SHMT2: variants seen among roughly 807,000 people sequenced by gnomAD.
SHMT2 encodes serine hydroxymethyltransferase 2.
A neutral mutation model predicts 59.6 loss-of-function variants in SHMT2; 38 were observed. That is an observed-to-expected ratio of 0.64 (90% CI 0.49 to 0.84). The LOEUF is 0.84. Among genes scored for constraint, SHMT2 ranks in the 40% least tolerant of loss-of-function variants. The pLI is 0.00. For missense variants in SHMT2, 533 were observed against 659.5 expected (o/e 0.81, Z 2.10); for synonymous variants, 254 against 258.1 (o/e 0.98, Z 0.15).
chr12:57,232,582 G>A lies in SHMT2; in HGVS notation c.717+7G>A, dbSNP rs762366335. ...CTACGCCCGCATGAGAGAGGTTGGT[G>A]GGGGGGGCTGGAGACTGGGCACCTC... On this transcript the variant is annotated splice_region_variant and intron_variant, in intron 6 of 11. Transcript: ENST00000328923. 1.9e-6 allele frequency: 3 copies of A among 1,612,274 alleles called. No homozygotes were observed. The highest frequency in any genetic ancestry group is 1.1e-5 in the South Asian group (1 of 91,028).
intron 1 of SHMT2, chr12:57,230,188 C>G: frequency 7.8e-7 from 1 of 1,289,930 alleles, no homozygotes; most frequent in Non-Finnish European, 1.0e-6. Flanking sequence ...CCGAGCTTCA[C>G]TGCTTGCATC....
chr12:57,230,108 A>G (rs2037249600), intron 1 of SHMT2: 1 of 1,347,572 alleles, frequency 7.4e-7, no homozygotes, highest in Non-Finnish European at 9.6e-7. Context: ...CTGGCAAATG[A>G]GCGGAGTTTT....
At position 57,233,852 on chromosome 12, in the gene SHMT2, G is replaced by A; in HGVS notation, c.1227G>A (p.Lys409=). The change falls in exon 10 of 12, where the codon AAG becomes AAA. Residue 409 remains lysine, a synonymous_variant. Coordinates refer to ENST00000328923, the MANE Select transcript of SHMT2 (RefSeq NM_005412.6). ...AGCTTGTATCCATCACTGCCAACAA[G>A]AACACCTGTCCTGGAGACCGAAGTG... ...VLELVSITAN[K]NTCPGDRSAI... 1 of 1,614,198 alleles carries A rather than the reference G, an allele frequency of 6.2e-7. No individual in the cohort carries two copies. The highest frequency in any genetic ancestry group is 8.5e-7 in the Non-Finnish European group (1 of 1,180,044).
In SHMT2 at chr12:57,234,804, G is replaced by GCTCCCACCAC; in HGVS notation, c.*445_*454dup. 6.4e-6 allele frequency: 1 copy of GCTCCCACCAC among 155,880 alleles called. No individual in the cohort carries two copies. Among genetic ancestry groups the GCTCCCACCAC allele is most frequent in the Admixed American group, 6.4e-5 (1 of 15,708 alleles). The allele number at this position is 155,880 out of a possible 1,614,324, so 9.7% of individuals were successfully genotyped here. A position where few individuals can be genotyped will look rare whatever the true frequency, so the allele number is the denominator to read the frequency against. The stretch of plus-strand genomic sequence containing the variant: ...TCTCCCTCAATGTGTACACCGCTCC[G>GCTCCCACCAC]CTCCCACCACCGCTACCACAAGGAC... On this transcript the variant is annotated 3_prime_UTR_variant, in exon 12 of 12. Coordinates refer to ENST00000328923, the MANE Select transcript of SHMT2 (RefSeq NM_005412.6).
intron 1 of SHMT2, chr12:57,230,278 T>C (rs2037259196): frequency 5.9e-6 from 7 of 1,177,474 alleles, no homozygotes; most frequent in Non-Finnish European, 7.5e-6. Flanking sequence ...GGGTATTGGC[T>C]TACTCTCGGG....
intron 1 of SHMT2, chr12:57,230,337 T>G (rs1189482134): frequency 7.0e-6 from 8 of 1,141,058 alleles, no homozygotes; most frequent in Non-Finnish European, 8.7e-6. Context: ...CACGGACTGC[T>G]AAAGGTCTCC....
rs2037237004 is a variant in SHMT2, at chr12:57,229,758, TC to T, written c.-19del. The T allele has an allele frequency of 4.3e-6, 7 of 1,614,024 alleles. No homozygotes were observed. The highest frequency in any genetic ancestry group is 1.7e-5 in the Admixed American group (1 of 60,006). On this transcript the variant is annotated 5_prime_UTR_variant, in exon 1 of 12. Transcript: ENST00000328923. ...CTAGACCAGAGTTGGTGGCTGGACC[TC>T]CTGCGACTTCCGAGTTGCGATGCTG...
In SHMT2 at chr12:57,229,730, G is replaced by A. The variant is rs200522807; in HGVS notation, c.-49G>A. On this transcript the variant is annotated 5_prime_UTR_variant, in exon 1 of 12. Transcript: ENST00000328923. ...AACGGTCTTCTTCCGACAGCTTGCTGCCCTAGACCAGAGTTGGTGGCTGGA... is the reference window on the plus strand; with the variant it reads ...AACGGTCTTCTTCCGACAGCTTGCTACCCTAGACCAGAGTTGGTGGCTGGA... The A allele has an allele frequency of 7.5e-4, 1,204 of 1,612,806 alleles. 1 individual carries two copies. Among genetic ancestry groups the A allele is most frequent in the Non-Finnish European group, 6.8e-4 (805 of 1,178,892 alleles).
At chr12:57,231,164 GT>G in intron 2 of SHMT2, 164 bp downstream of exon 2, 1 of 724,258 alleles carries the variant, frequency 1.4e-6, no homozygotes, top group African/African-American at 1.8e-5. Context: ...TGCAAGTCCA[GT>G]TTATGGGGTT....
At chr12:57,229,896 T>C in intron 1 of SHMT2, 85 bp downstream of exon 1, 1 of 1,574,916 alleles carries the variant, frequency 6.3e-7, no homozygotes, top group Non-Finnish European at 8.7e-7. Flanking sequence ...ACTCTGGGGT[T>C]CTCTTGGCTT....
chr12:57,231,860 C>A lies in SHMT2; in HGVS notation c.459C>A (p.Ala153=). ...CAGCCAACCTGGCCGTCTACACAGC[C>A]CTTCTGCAACCTCACGACCGGATCA... is the stretch of plus-strand genomic sequence containing the variant. ...GSPANLAVYT[A]LLQPHDRIMG... is the part of the protein sequence containing the mutation. The change falls in exon 4 of 12, where the codon GCC becomes GCA. Residue 153 remains alanine (A), a synonymous_variant. Coordinates refer to ENST00000328923, the MANE Select transcript of SHMT2 (RefSeq NM_005412.6). The A allele has an allele frequency of 6.2e-7, 1 of 1,613,976 alleles. No individual in the cohort carries two copies. The highest frequency in any genetic ancestry group is 1.6e-4 in the Middle Eastern group (1 of 6,062).
At position 57,230,920 on chromosome 12, in the gene SHMT2, G is replaced by C. The variant is rs755645926; in HGVS notation, c.151G>C (p.Asp51His). The C allele has an allele frequency of 1.2e-5, 19 of 1,613,976 alleles. No homozygotes were observed. Among genetic ancestry groups the C allele is most frequent in the Non-Finnish European group, 1.5e-5 (18 of 1,180,036 alleles). ...CTGGACAGGCCAGGAGAGCCTGTCG[G>C]ACAGTGATCCTGAGATGTGGGAGTT... ...RGWTGQESLS[D>H]SDPEMWELLQ... The change falls in exon 2 of 12, where the codon GAC (aspartate) becomes CAC (histidine). Residue 51 changes from aspartate (D) to histidine (H), a missense_variant. Asp to His is a moderately conservative substitution (Grantham distance 81). Coordinates refer to ENST00000328923, the MANE Select transcript of SHMT2 (RefSeq NM_005412.6).
At chr12:57,233,498 G>A in intron 8 of SHMT2, 65 bp from the exon 9 acceptor site, 1 of 1,544,928 alleles carries the variant, frequency 6.5e-7, no homozygotes, top group Non-Finnish European at 8.8e-7. Flanking sequence ...AGGGTGCAGG[G>A]CCAGAGGGTA....
At position 57,233,422 on chromosome 12, in the gene SHMT2, C is replaced by A. The variant is rs997158940; in HGVS notation, c.1023+77C>A. On this transcript the variant is annotated intron_variant, in intron 8 of 11. Transcript: ENST00000328923. ...AGACCCTGCACCTTGCTAACTGATG[C>A]TGGGGCTGATGGAAGGGAAATGCCA... 13 of 1,517,374 alleles carry A rather than the reference C, an allele frequency of 8.6e-6. No individual in the cohort carries two copies. In the African/African-American group the frequency reaches 1.5e-4, roughly 18 times the overall value. The allele number at this position is 1,517,374 out of a possible 1,614,324, so 94.0% of individuals were successfully genotyped here.
At position 57,234,215 on chromosome 12, in the gene SHMT2, C is replaced by T; in HGVS notation, c.1388-19C>T. The T allele has an allele frequency of 1.2e-6, 2 of 1,611,502 alleles. No individual in the cohort carries two copies. Among genetic ancestry groups the T allele is most frequent in the South Asian group, 1.1e-5 (1 of 90,904 alleles). On this transcript the variant is annotated intron_variant, in intron 11 of 11. Coordinates refer to ENST00000328923, the MANE Select transcript of SHMT2 (RefSeq NM_005412.6). ...TCCCTAGAGCTCTGACCACTTGTTT[C>T]CTCACCCTCTCTCTCTAGCCAAGCT...
Position 57,232,580 on chromosome 12 carries a change from G to GT in SHMT2, c.717+6dup, listed in dbSNP as rs2136790132. The GT allele has an allele frequency of 1.9e-6, 3 of 1,614,132 alleles. No homozygotes were observed. The highest frequency in any genetic ancestry group is 2.5e-6 in the Non-Finnish European group (3 of 1,180,014). The stretch of plus-strand genomic sequence containing the variant: ...GACTACGCCCGCATGAGAGAGGTTG[G>GT]TGGGGGGGGCTGGAGACTGGGCACC... On this transcript the variant is annotated splice_donor_region_variant and intron_variant, in intron 6 of 11. Transcript: ENST00000328923.
In SHMT2 at chr12:57,232,519, A is replaced by G; in HGVS notation, c.661A>G (p.Ile221Val). ...LTARLFRPRL[I>V]IAGTSAYARL... ...TGCTCGACTTTTCCGGCCACGGCTCATCATAGCTGGCACCAGCGCCTATGC... is the reference window on the plus strand; with the variant it reads ...TGCTCGACTTTTCCGGCCACGGCTCGTCATAGCTGGCACCAGCGCCTATGC... The change falls in exon 6 of 12, where the codon ATC becomes GTC. Residue 221 changes from isoleucine (I) to valine (V), a missense_variant. Physicochemically the swap from Ile to Val is conservative, Grantham distance 29. Transcript: ENST00000328923. 1 of 1,614,206 alleles carries G rather than the reference A, an allele frequency of 6.2e-7. No homozygotes were observed. The highest frequency in any genetic ancestry group is 8.5e-7 in the Non-Finnish European group (1 of 1,180,032).
intron 10 of SHMT2, 24 bp from the exon 11 acceptor site, chr12:57,233,979 C>A: frequency 6.2e-7 from 1 of 1,614,038 alleles, no homozygotes; most frequent in South Asian, 1.1e-5. Context: ...CTATGCTCAT[C>A]CCTCCCCTTG....
intron 1 of SHMT2, chr12:57,230,123 C>T (rs2037250324): frequency 3.0e-6 from 4 of 1,331,376 alleles, no homozygotes; most frequent in South Asian, 1.5e-5. Flanking sequence ...AGTTTTCGGC[C>T]TGGTCTCACA....
Sources: gnomAD v4.1 joint callset for allele counts on GRCh38, gnomAD v4.1.1 for gene constraint, MANE v1.5 for transcripts, NCBI Gene and HGNC (gene_info 2026-07-23, HGNC 2026-07-21) for gene names.